The following NPTN variants were observed in gnomAD, a reference collection of about 807,000 sequenced individuals.
NPTN encodes the protein SDR-1.
In NPTN, 5 loss-of-function variants were observed where a neutral mutation model predicts 42.7. The observed-to-expected ratio is 0.12, with a 90% confidence interval of 0.06 to 0.25. The LOEUF is 0.25. NPTN is among the 10% of genes least tolerant of loss of function. The pLI is 1.00. For missense variants in NPTN, 307 were observed against 525.4 expected (o/e 0.58, Z 4.06); for synonymous variants, 180 against 201.9 (o/e 0.89, Z 0.92).
intron 1 of NPTN, among the ~76,000 whole-genome samples, chr15:73,603,427 T>C (rs1897155845): frequency 6.6e-6 from 1 of 152,000 alleles, no homozygotes; most frequent in Non-Finnish European, 1.5e-5. Flanking sequence ...CCAAATAAAA[T>C]GAGAACCAGA....
At chr15:73,580,865 T>C (rs1444900629) in intron 4 of NPTN, among the ~76,000 whole-genome samples, 1 of 152,008 alleles carries the variant, frequency 6.6e-6, no homozygotes, top group Non-Finnish European at 1.5e-5. Context: ...CTGGACTTGA[T>C]CTCGACTCTA....
At chr15:73,576,605 A>AG (rs1432647464) in intron 4 of NPTN, among the ~76,000 whole-genome samples, 21 of 152,188 alleles carry the variant, frequency 1.4e-4, no homozygotes, top group Admixed American at 1.4e-3. Context: ...CTGGGTTTAC[A>AG]GGTGTGAGCC....
At chr15:73,615,320 A>T (rs1473996328) in intron 1 of NPTN, among the ~76,000 whole-genome samples, 5 of 152,190 alleles carry the variant, frequency 3.3e-5, no homozygotes. Flanking sequence ...TCATTATAAC[A>T]GCAGCTAGCC....
intron 1 of NPTN, among the ~76,000 whole-genome samples, chr15:73,620,961 T>C (rs1183592803): frequency 2.6e-5 from 4 of 152,246 alleles, no homozygotes; most frequent in Non-Finnish European, 5.9e-5. Context: ...CTTACCCTTA[T>C]TTTCTCCTTT....
intron 5 of NPTN, among the ~76,000 whole-genome samples, chr15:73,573,298 C>A (rs896402723): frequency 1.3e-5 from 2 of 152,134 alleles, no homozygotes; most frequent in Non-Finnish European, 2.9e-5. Context: ...TCCTGTGTTT[C>A]CTGAGGCCTC....
intron 1 of NPTN, among the ~76,000 whole-genome samples, chr15:73,603,958 A>G (rs998623052): frequency 3.3e-5 from 5 of 152,180 alleles, no homozygotes; most frequent in African/African-American, 1.2e-4. Context: ...ATCATGTTAC[A>G]TTATGTGTAA....
intron 1 of NPTN, among the ~76,000 whole-genome samples, chr15:73,609,780 CATA>C (rs1285731464): frequency 2.0e-5 from 3 of 152,036 alleles, no homozygotes; most frequent in Non-Finnish European, 4.4e-5. Flanking sequence ...TTATATGACA[CATA>C]ATAAGTATAT....
At chr15:73,603,579 T>C (rs565129402) in intron 1 of NPTN, among the ~76,000 whole-genome samples, 2 of 152,288 alleles carry the variant, frequency 1.3e-5, no homozygotes, top group South Asian at 2.1e-4. Flanking sequence ...GTTTTCAGAG[T>C]TATAAACCAT....
intron 7 of NPTN, among the ~76,000 whole-genome samples, chr15:73,562,532 C>A (rs1894738752): frequency 6.6e-6 from 1 of 152,194 alleles, no homozygotes. Context: ...CATAAGCTGG[C>A]AGTGCTGGGC....
chr15:73,618,060 C>T (rs1174774570), intron 1 of NPTN, among the ~76,000 whole-genome samples: 1 of 152,226 alleles, frequency 6.6e-6, no homozygotes, highest in Non-Finnish European at 1.5e-5. Flanking sequence ...TTCACGTATG[C>T]TACTCCACAG....
intron 4 of NPTN, among the ~76,000 whole-genome samples, chr15:73,581,921 G>A (rs562419630): frequency 1.3e-5 from 2 of 151,866 alleles, no homozygotes; most frequent in South Asian, 2.1e-4. Context: ...TGCAACCTCC[G>A]CCTCCCGGGT....
At chr15:73,626,254 T>C (rs1032716278) in intron 1 of NPTN, among the ~76,000 whole-genome samples, 1 of 152,232 alleles carries the variant, frequency 6.6e-6, no homozygotes, top group Non-Finnish European at 1.5e-5. Flanking sequence ...ACTGGCAATT[T>C]TCCCAGCAAG....
At position 73,560,777 on chromosome 15, in the gene NPTN, C is replaced by CA. The variant is rs1566953257; in HGVS notation, c.*285dup. ...AATGGCGCATGCATGATCTGATCCTCAGAGGACCTTTTCACTTCTATTTAA... is the reference window on the plus strand; with the variant it reads ...AATGGCGCATGCATGATCTGATCCTCAAGAGGACCTTTTCACTTCTATTTAA... On this transcript the variant is annotated 3_prime_UTR_variant, in exon 9 of 9. Transcript: ENST00000345330. 1 of 152,140 alleles carries CA rather than the reference C, an allele frequency of 6.6e-6. No homozygotes were observed. The highest frequency in any genetic ancestry group is 1.5e-5 in the Non-Finnish European group (1 of 67,968). The allele number at this position is 152,140 out of a possible 1,614,324, so 9.4% of individuals were successfully genotyped here. A position where few individuals can be genotyped will look rare whatever the true frequency, so the allele number is the denominator to read the frequency against.
rs372123183 is a variant in NPTN at position 73,633,114 on chromosome 15, G to A, written c.91+11C>T. The A allele has an allele frequency of 5.1e-4, 748 of 1,453,676 alleles. 1 individual carries two copies. Among genetic ancestry groups the A allele is most frequent in the Non-Finnish European group, 4.0e-4 (442 of 1,106,176 alleles). The allele number at this position is 1,453,676 out of a possible 1,614,324, so 90.0% of individuals were successfully genotyped here. ...AACCCCCGCCCGGCCCGCCCCCGGC[G>A]CCCCGCTTACCGTTCTGAGCGGCGC... On this transcript the variant is annotated intron_variant, in intron 1 of 8. Coordinates refer to ENST00000345330, the MANE Select transcript of NPTN (RefSeq NM_012428.4).
intron 1 of NPTN, among the ~76,000 whole-genome samples, chr15:73,614,541 G>C (rs1428787136): frequency 6.6e-6 from 1 of 152,050 alleles, no homozygotes; most frequent in Non-Finnish European, 1.5e-5. Context: ...AGATGCACAA[G>C]GTAAGAAGAA....
intron 6 of NPTN, among the ~76,000 whole-genome samples, chr15:73,565,601 C>T (rs770743606): frequency 2.2e-4 from 34 of 152,112 alleles, no homozygotes; most frequent in Admixed American, 8.5e-4. Flanking sequence ...TCATAGTAAC[C>T]GACAAATATC....
intron 8 of NPTN, 122 bp downstream of exon 8, chr15:73,561,774 G>C (rs1595888287): frequency 4.0e-6 from 3 of 742,054 alleles, no homozygotes; most frequent in South Asian, 1.7e-5. Context: ...ATCAGTATCA[G>C]CTGCTCTGAA....
Position 73,625,771 on chromosome 15 carries a change from T to A in NPTN, c.91+7354A>T, listed in dbSNP as rs893156900. Among the ~76,000 whole-genome samples the A allele has an allele frequency of 5.3e-5, 8 of 152,326 alleles. No homozygotes were observed. In the East Asian group the frequency reaches 1.2e-3, roughly 22 times the overall value. ...TGCAATGTAATTTTTAGGTTATTTT[T>A]AAATTAATAAGTAGCAAGGGTGTAG... is the stretch of plus-strand genomic sequence containing the variant. On this transcript the variant is annotated intron_variant, in intron 1 of 8. Transcript: ENST00000345330.
intron 4 of NPTN, among the ~76,000 whole-genome samples, chr15:73,579,471 T>C (rs926491572): frequency 3.9e-5 from 6 of 151,968 alleles, no homozygotes; most frequent in African/African-American, 1.5e-4. Context: ...AATAGTACTA[T>C]GAATTCAGTA....
Sources: allele counts gnomAD v4.1 joint callset (sites outside exome capture counted in the v4.1 genomes callset), GRCh38; gene constraint gnomAD v4.1.1; transcripts MANE v1.5; gene names NCBI Gene and HGNC (gene_info 2026-07-23, HGNC 2026-07-21).